The following GSKIP variants were observed in gnomAD, a reference collection of about 807,000 sequenced individuals.
GSKIP encodes GSK3B-interacting protein.
In GSKIP, 5 loss-of-function variants were observed where a neutral mutation model predicts 11.9. That is an observed-to-expected ratio of 0.42 (90% CI 0.22 to 0.89). The LOEUF is 0.89. GSKIP is among the 40% of genes least tolerant of loss of function. The probability of loss-of-function intolerance (pLI) is 0.29; values close to 1 mark genes in which losing one functional copy is unlikely to be tolerated. For missense variants in GSKIP, 150 were observed against 166.6 expected, an observed-to-expected ratio of 0.90 and a Z score of 0.55; for synonymous variants, 70 against 62.9, an observed-to-expected ratio of 1.11 and a Z score of -0.54.
intron 1 of GSKIP, among the ~76,000 whole-genome samples, chr14:96,376,937 T>C (rs970465563): frequency 1.3e-5 from 2 of 152,216 alleles, no homozygotes; most frequent in Admixed American, 6.5e-5. Context: ...ACAATGATGA[T>C]TGATTCCTTT....
intron 3 of GSKIP, 117 bp from the exon 4 acceptor site, chr14:96,385,406 G>C (rs2139946750): frequency 1.4e-6 from 1 of 733,518 alleles, no homozygotes; most frequent in African/African-American, 1.8e-5. Context: ...TGGTCTAGTG[G>C]CTAGGAAAAG....
Position 96,387,033 on chromosome 14 carries a change from A to T in GSKIP, c.*1349A>T, listed in dbSNP as rs1889509035. 6.6e-6 allele frequency: 1 copy of T among 152,238 alleles called. No individual in the cohort carries two copies. Among genetic ancestry groups the T allele is most frequent in the Non-Finnish European group, 1.5e-5 (1 of 68,044 alleles). The allele number at this position is 152,238 out of a possible 1,614,324, so 9.4% of individuals were successfully genotyped here. On this transcript the variant is annotated 3_prime_UTR_variant, in exon 4 of 4. Coordinates refer to ENST00000555181, the MANE Select transcript of GSKIP (RefSeq NM_016472.5). ...AAATTAAAGTTCAGTTTGTGTCACAATTCATTGCCAGACTTCATTGGAATG... is the reference window on the plus strand; with the variant it reads ...AAATTAAAGTTCAGTTTGTGTCACATTTCATTGCCAGACTTCATTGGAATG...
chr14:96,383,938 G>A (rs1454517965), intron 3 of GSKIP, among the ~76,000 whole-genome samples: 1 of 152,118 alleles, frequency 6.6e-6, no homozygotes. Flanking sequence ...ACTGTGGAGA[G>A]GTAGAAGGAG....
intron 1 of GSKIP, among the ~76,000 whole-genome samples, chr14:96,372,596 T>G (rs1285253675): frequency 1.3e-5 from 2 of 152,240 alleles, no homozygotes; most frequent in Non-Finnish European, 2.9e-5. Flanking sequence ...AATTCATTAA[T>G]GAAACAAACA....
At chr14:96,367,933 T>C (rs1888937339) in intron 1 of GSKIP, among the ~76,000 whole-genome samples, 1 of 152,242 alleles carries the variant, frequency 6.6e-6, no homozygotes, top group Non-Finnish European at 1.5e-5. Flanking sequence ...GAGAACCAAT[T>C]TGGAGTTTAA....
intron 1 of GSKIP, among the ~76,000 whole-genome samples, chr14:96,367,293 A>G (rs1888913055): frequency 6.6e-6 from 1 of 152,226 alleles, no homozygotes; most frequent in African/African-American, 2.4e-5. Context: ...TCCAAGTCCC[A>G]GAGTAAATTA....
intron 3 of GSKIP, among the ~76,000 whole-genome samples, chr14:96,383,638 C>G (rs527534071): frequency 3.9e-5 from 6 of 152,146 alleles, no homozygotes; most frequent in Non-Finnish European, 7.3e-5. Flanking sequence ...CTCTTTAATT[C>G]GCTGGATTCA....
intron 1 of GSKIP, among the ~76,000 whole-genome samples, chr14:96,369,624 A>C (rs1263462479): frequency 6.6e-6 from 1 of 152,170 alleles, no homozygotes; most frequent in Non-Finnish European, 1.5e-5. Context: ...TCAGGCTGTA[A>C]GCTGTATGTC....
intron 1 of GSKIP, among the ~76,000 whole-genome samples, chr14:96,370,691 T>C (rs1028401330): frequency 2.6e-5 from 4 of 152,196 alleles, no homozygotes; most frequent in African/African-American, 9.7e-5. Flanking sequence ...CCTTTCTGAC[T>C]GTGTGATCTT....
chr14:96,367,993 A>T, intron 1 of GSKIP, among the ~76,000 whole-genome samples: 1 of 152,056 alleles, frequency 6.6e-6, no homozygotes. Flanking sequence ...ATATTGATTT[A>T]TGTTTGTTAG....
At chr14:96,382,059 A>C (rs1471139015) in intron 2 of GSKIP, among the ~76,000 whole-genome samples, 188 bp from the exon 3 acceptor site, 1 of 152,130 alleles carries the variant, frequency 6.6e-6, no homozygotes, top group Admixed American at 6.5e-5. Context: ...TTGAAGATCT[A>C]TGGGTGTCGG....
intron 1 of GSKIP, chr14:96,365,234 G>A (rs1337311756): frequency 6.6e-6 from 1 of 151,934 alleles, no homozygotes; most frequent in East Asian, 1.9e-4. Context: ...AGATGGGGAA[G>A]AGAGAAGGGA....
chr14:96,369,972 G>A (rs1013184499), intron 1 of GSKIP, among the ~76,000 whole-genome samples: 5 of 152,170 alleles, frequency 3.3e-5, no homozygotes, highest in Non-Finnish European at 7.3e-5. Flanking sequence ...GCTGTACCCA[G>A]CAGAGTCATA....
chr14:96,373,229 C>CAAAAAAAAAAAAA (rs57931398), intron 1 of GSKIP, among the ~76,000 whole-genome samples: 2 of 82,812 alleles, frequency 2.4e-5, no homozygotes, highest in African/African-American at 5.0e-5. Flanking sequence ...GACTCTGTCT[C>CAAAAAAAAAAAAA]AAAAAAAAAA....
chr14:96,376,081 A>G (rs1889194896), intron 1 of GSKIP, among the ~76,000 whole-genome samples: 1 of 152,242 alleles, frequency 6.6e-6, no homozygotes, highest in Admixed American at 6.5e-5. Context: ...AAGTATTCAT[A>G]CTAATAGCAC....
At chr14:96,373,311 TCTC>T (rs986154666) in intron 1 of GSKIP, among the ~76,000 whole-genome samples, 2 of 148,998 alleles carry the variant, frequency 1.3e-5, no homozygotes, top group African/African-American at 2.4e-5. Context: ...AAATTATACA[TCTC>T]CTCATTTCTT....
At chr14:96,382,038 G>C (rs1484399370) in intron 2 of GSKIP, among the ~76,000 whole-genome samples, 1 of 152,116 alleles carries the variant, frequency 6.6e-6, no homozygotes, top group Non-Finnish European at 1.5e-5. Context: ...GGAGAAGGGA[G>C]ATTCTTTTTT....
rs766354584 is a variant in GSKIP, at chr14:96,382,251, G to GA, written c.7dup (p.Thr3AsnfsTer4). ...TGCTTTTTTTTTTTTTTACAGAATG[G>GA]AAACAGACTGTAATCCCATGGAGCT... On this transcript the variant is annotated frameshift_variant, in exon 3 of 4. Transcript: ENST00000555181. LOFTEE classifies it high-confidence loss of function. 3 of 1,562,412 alleles carry GA rather than the reference G, an allele frequency of 1.9e-6. No homozygotes were observed. The highest frequency in any genetic ancestry group is 2.6e-6 in the Non-Finnish European group (3 of 1,153,042).
chr14:96,374,473 A>G lies in GSKIP; in HGVS notation c.-102-5215A>G, dbSNP rs1380299844. Among the ~76,000 whole-genome samples, 6 of 152,308 alleles carry G rather than the reference A, an allele frequency of 3.9e-5. No individual in the cohort carries two copies. In the East Asian group the frequency reaches 5.8e-4, roughly 15 times the overall value. Reference sequence around the variant, plus strand: ...TACACCAAGAGGAACAAAGATAACAATCACATCAAATGTTTCATGGGAAAC... The same window carrying G: ...TACACCAAGAGGAACAAAGATAACAGTCACATCAAATGTTTCATGGGAAAC... On this transcript the variant is annotated intron_variant, in intron 1 of 3. Coordinates refer to ENST00000555181, the MANE Select transcript of GSKIP (RefSeq NM_016472.5).
Sources: allele counts gnomAD v4.1 joint callset (sites outside exome capture counted in the v4.1 genomes callset), GRCh38; gene constraint gnomAD v4.1.1; transcripts MANE v1.5; gene names NCBI Gene and HGNC (gene_info 2026-07-23, HGNC 2026-07-21).